Variants in STARD13 observed in about 807,000 individuals in gnomAD.
STARD13 encodes the protein stAR-related lipid transfer protein 13.
In STARD13, 62 loss-of-function variants were observed where a neutral mutation model predicts 106.4. That is an observed-to-expected ratio of 0.58 (90% confidence interval 0.48 to 0.72). The LOEUF (loss-of-function observed/expected upper bound fraction) is 0.72. Among genes scored for constraint, STARD13 ranks in the 30% least tolerant of loss-of-function variants. The pLI is 0.00. For synonymous variants in STARD13, 565 were observed against 553.0 expected, an observed-to-expected ratio of 1.02 and a Z score of -0.31; for missense variants, 1,387 against 1,424.0, an observed-to-expected ratio of 0.97 and a Z score of 0.42.
chr13:33,142,368 A>G lies in STARD13; in HGVS notation c.329T>C (p.Leu110Pro). 2 of 1,613,812 alleles carry G rather than the reference A, an allele frequency of 1.2e-6. No homozygotes were observed. Among genetic ancestry groups the G allele is most frequent in the Non-Finnish European group, 1.7e-6 (2 of 1,179,784 alleles). Reference sequence around the variant, plus strand: ...TGAGGCACACTTGTTCAACGTATTTAGTCGTCTAAAAGGAAAGAAAAATGT... The same window carrying G: ...TGAGGCACACTTGTTCAACGTATTTGGTCGTCTAAAAGGAAAGAAAAATGT... ...KDLVEPLCRRLNTLNKCASMK... is the reference protein window; with the variant it reads ...KDLVEPLCRRPNTLNKCASMK... The change falls in exon 4 of 14, where the codon CTA becomes CCA. Residue 110 changes from leucine (L) to proline (P), a missense_variant. By Grantham distance (98) the Leu-to-Pro change is moderately conservative (BLOSUM62 -3). Coordinates refer to ENST00000336934, the MANE Select transcript of STARD13 (RefSeq NM_178006.4).
intron 1 of STARD13, chr13:33,185,955 C>A (rs199971162): frequency 6.2e-7 from 1 of 1,614,194 alleles, no homozygotes; most frequent in Admixed American, 1.7e-5. Flanking sequence ...TCTGCACCAG[C>A]GCAGCACCAA....
chr13:33,184,638 T>C (rs1364081080), intron 1 of STARD13, among the ~76,000 whole-genome samples: 1 of 152,144 alleles, frequency 6.6e-6, no homozygotes, highest in Non-Finnish European at 1.5e-5. Context: ...TTATATATAC[T>C]CTTCTGAGTC....
chr13:33,391,542 A>G, the STARD13 span, among the ~76,000 whole-genome samples: 1 of 152,206 alleles, frequency 6.6e-6, no homozygotes, highest in African/African-American at 2.4e-5. Context: ...ATTTCTTAAG[A>G]ATCTTAATAC....
At chr13:33,235,119 C>G (rs1889123177) in intron 1 of STARD13, among the ~76,000 whole-genome samples, 3 of 152,172 alleles carry the variant, frequency 2.0e-5, no homozygotes, top group Admixed American at 6.5e-5. Context: ...AAATGTGCAC[C>G]AGGGCACTCT....
intron 1 of STARD13, among the ~76,000 whole-genome samples, chr13:33,329,850 C>G (rs1182429628): frequency 5.3e-5 from 8 of 151,874 alleles, no homozygotes. Context: ...ATTACAGGTG[C>G]CTGCCACCAT....
chr13:33,196,260 C>T (rs1432284502), intron 1 of STARD13, among the ~76,000 whole-genome samples: 1 of 152,134 alleles, frequency 6.6e-6, no homozygotes, highest in Non-Finnish European at 1.5e-5. Context: ...TGACACGACG[C>T]ATGCCTGTAA....
At chr13:33,310,987 G>A (rs901324572) in intron 1 of STARD13, among the ~76,000 whole-genome samples, 1 of 152,010 alleles carries the variant, frequency 6.6e-6, no homozygotes, top group African/African-American at 2.4e-5. Flanking sequence ...CATAGAAAAG[G>A]TACAGTAAAA....
intron 7 of STARD13, 39 bp downstream of exon 7, chr13:33,126,042 G>A: frequency 6.2e-7 from 1 of 1,606,590 alleles, no homozygotes; most frequent in Non-Finnish European, 8.5e-7. Flanking sequence ...TCCCATGGTT[G>A]GGGGTGGTGG....
chr13:33,200,269 C>T (rs1392335865), intron 1 of STARD13, among the ~76,000 whole-genome samples: 2 of 152,178 alleles, frequency 1.3e-5, no homozygotes, highest in South Asian at 2.1e-4. Context: ...CTCTGTCATT[C>T]ACATCTAGCT....
chr13:33,560,591 A>G, the STARD13 span, among the ~76,000 whole-genome samples: 1 of 151,552 alleles, frequency 6.6e-6, no homozygotes. Context: ...TGCAAAATGA[A>G]TTTGAATGGG....
At chr13:33,301,479 C>T (rs1486021816) in intron 1 of STARD13, among the ~76,000 whole-genome samples, 3 of 152,028 alleles carry the variant, frequency 2.0e-5, no homozygotes, top group Non-Finnish European at 4.4e-5. Flanking sequence ...CGTATGAAGA[C>T]TCAAAGCTGC....
the STARD13 span, among the ~76,000 whole-genome samples, chr13:33,440,104 C>T: frequency 1.2e-4 from 18 of 151,964 alleles, no homozygotes; most frequent in African/African-American, 4.3e-4. Flanking sequence ...TAGCGAGACA[C>T]CCTGCTCTAC....
At chr13:33,528,250 A>ATATATATATATG in the STARD13 span, among the ~76,000 whole-genome samples, 1 of 129,364 alleles carries the variant, frequency 7.7e-6, no homozygotes. Context: ...ATACATATAT[A>ATATATATATATG]TATATACATA....
chr13:33,141,669 A>C (rs975251998), intron 4 of STARD13, among the ~76,000 whole-genome samples: 3 of 152,172 alleles, frequency 2.0e-5, no homozygotes, highest in Non-Finnish European at 2.9e-5. Flanking sequence ...TCTGCCTGAT[A>C]GTGGGGGCAT....
intron 1 of STARD13, among the ~76,000 whole-genome samples, chr13:33,246,722 G>A (rs1937245823): frequency 1.3e-5 from 2 of 151,050 alleles, no homozygotes; most frequent in Non-Finnish European, 3.0e-5. Context: ...CAAAAACTAA[G>A]AGAGAGAGAG....
intron 1 of STARD13, among the ~76,000 whole-genome samples, chr13:33,258,421 T>C (rs1047488296): frequency 1.3e-5 from 2 of 151,562 alleles, no homozygotes; most frequent in African/African-American, 4.9e-5. Context: ...TTAATGGCTA[T>C]GAAGACCAGA....
chr13:33,347,800 A>G (rs2078033346), downstream of STARD13, among the ~76,000 whole-genome samples: 1 of 152,218 alleles, frequency 6.6e-6, no homozygotes, highest in African/African-American at 2.4e-5. Flanking sequence ...TCCTCATTGT[A>G]AAGTGATGCG....
chr13:33,563,490 T>C, the STARD13 span, among the ~76,000 whole-genome samples: 2 of 147,352 alleles, frequency 1.4e-5, no homozygotes, highest in Admixed American at 6.9e-5. Flanking sequence ...GGACAGTCTC[T>C]TCAGTAAATT....
At chr13:33,350,843 T>C (rs541996255), upstream of STARD13, among the ~76,000 whole-genome samples, 1 of 151,956 alleles carries the variant, frequency 6.6e-6, no homozygotes, top group Non-Finnish European at 1.5e-5. Flanking sequence ...AGCTTCCAGC[T>C]TCTTTTCCAG....
Sources: allele counts gnomAD v4.1 joint callset (sites outside exome capture counted in the v4.1 genomes callset), GRCh38; gene constraint gnomAD v4.1.1; transcripts MANE v1.5; gene names NCBI Gene and HGNC (gene_info 2026-07-23, HGNC 2026-07-21).